The following PCDHA12 variants were observed in gnomAD, a reference collection of about 807,000 sequenced individuals.
The protein encoded by PCDHA12 is protocadherin alpha 12.
A neutral mutation model predicts 60.0 loss-of-function variants in PCDHA12; 44 were observed. The ratio of observed to expected loss-of-function variants is 0.73; its 90% CI spans 0.58 to 0.94. The LOEUF is 0.94. Ranked by LOEUF, PCDHA12 falls within the 40% of genes least tolerant of loss-of-function variation. PCDHA12 has a pLI of 0.00. For synonymous variants in PCDHA12, 569 were observed against 553.0 expected, an observed-to-expected ratio of 1.03 and a Z score of -0.40; for missense variants, 1,276 against 1,239.7, an observed-to-expected ratio of 1.03 and a Z score of -0.44.
At chr5:140,978,873 A>G in intron 1 of PCDHA12, 76 bp from the exon 2 acceptor site, 2 of 1,608,618 alleles carry the variant, frequency 1.2e-6, no homozygotes, top group Non-Finnish European at 1.7e-6. Flanking sequence ...TAAGGGAGTA[A>G]CTAATCAATT....
intron 1 of PCDHA12, among the ~76,000 whole-genome samples, chr5:140,958,001 T>C (rs1257234939): frequency 6.6e-6 from 1 of 152,144 alleles, no homozygotes; most frequent in Non-Finnish European, 1.5e-5. Flanking sequence ...ATTTTTTGTT[T>C]CAATTCTATC....
intron 1 of PCDHA12, among the ~76,000 whole-genome samples, chr5:140,917,059 G>A (rs1174473146): frequency 6.6e-6 from 1 of 152,044 alleles, no homozygotes; most frequent in Non-Finnish European, 1.5e-5. Context: ...TCCCTGCTAC[G>A]ACAGCACCGA....
At chr5:140,883,504 C>G in intron 1 of PCDHA12, 1 of 1,614,172 alleles carries the variant, frequency 6.2e-7, no homozygotes, top group East Asian at 2.2e-5. Context: ...TGGACAGCGC[C>G]CTGGACCGCG....
At chr5:140,946,720 A>C (rs1460843213) in intron 1 of PCDHA12, among the ~76,000 whole-genome samples, 4 of 150,970 alleles carry the variant, frequency 2.6e-5, no homozygotes, top group African/African-American at 9.8e-5. Flanking sequence ...ATGTTTAGTT[A>C]AATAAGCCAG....
At chr5:140,942,544 G>A (rs546340510) in intron 1 of PCDHA12, among the ~76,000 whole-genome samples, 105 of 152,118 alleles carry the variant, frequency 6.9e-4, no homozygotes, top group African/African-American at 2.5e-3. Flanking sequence ...TATGGTGGGG[G>A]GTAGGGGGTT....
intron 1 of PCDHA12, chr5:140,966,679 G>C (rs1554228549): frequency 8.3e-6 from 11 of 1,317,564 alleles, no homozygotes; most frequent in East Asian, 3.0e-5. Context: ...AGGGTGGCAC[G>C]AGCGGAGGCG....
intron 3 of PCDHA12, 24 bp from the exon 4 acceptor site, chr5:141,009,603 G>A (rs1554262223): frequency 1.2e-6 from 2 of 1,608,568 alleles, no homozygotes; most frequent in African/African-American, 2.7e-5. Context: ...CCCTGTTAAT[G>A]ATTTGTAATG....
Position 141,009,969 on chromosome 5 carries a change from GT to G in PCDHA12, c.*37del, listed in dbSNP as rs2098415622. On this transcript the variant is annotated 3_prime_UTR_variant, in exon 4 of 4. Coordinates refer to ENST00000398631, the MANE Select transcript of PCDHA12 (RefSeq NM_018903.4). ...CAAATGGAAACAAGCCACTTAGCCA[GT>G]TTTTGTAATAATGGCAAATCTCTCC... 6.3e-7 allele frequency: 1 copy of G among 1,586,478 alleles called. No homozygotes were observed. The highest frequency in any genetic ancestry group is 1.8e-5 in the Admixed American group (1 of 54,174).
intron 1 of PCDHA12, chr5:140,929,073 T>C (rs782591499): frequency 1.9e-6 from 3 of 1,614,200 alleles, no homozygotes; most frequent in Non-Finnish European, 2.5e-6. Flanking sequence ...ATCTGAGGTA[T>C]GGAAGTAAGA....
chr5:140,965,323 G>A (rs2095891055), intron 1 of PCDHA12, among the ~76,000 whole-genome samples: 1 of 152,176 alleles, frequency 6.6e-6, no homozygotes, highest in South Asian at 2.1e-4. Flanking sequence ...TTTTACTGAA[G>A]TGAATTTGTT....
Position 140,927,906 on chromosome 5 carries a change from C to T in PCDHA12, c.2367+50067C>T, listed in dbSNP as rs116016831. On this transcript the variant is annotated intron_variant, in intron 1 of 3. Coordinates refer to ENST00000398631, the MANE Select transcript of PCDHA12 (RefSeq NM_018903.4). ...TGACTGACGTGAACGATCATGCCCC[C>T]GAACTGGACTTCCTGACTCTTTCGA... is the stretch of plus-strand genomic sequence containing the variant. 5,195 of 1,614,178 alleles carry T rather than the reference C, an allele frequency of 3.2e-3. 26 individuals are homozygous for T. The highest frequency in any genetic ancestry group is 0.019 in the African/African-American group (1,450 of 75,038).
At chr5:141,002,474 C>T (rs141241701) in intron 3 of PCDHA12, among the ~76,000 whole-genome samples, 65 of 152,334 alleles carry the variant, frequency 4.3e-4, no homozygotes, top group African/African-American at 1.3e-3. Flanking sequence ...TTAGCATTTT[C>T]AAAGGATGAC....
At chr5:140,967,560 A>C (rs2096156699) in intron 1 of PCDHA12, 2 of 1,613,966 alleles carry the variant, frequency 1.2e-6, no homozygotes, top group Non-Finnish European at 1.7e-6. Context: ...TATCGCGTCC[A>C]GCTACGGGAG....
Position 140,877,198 on chromosome 5 carries a change from G to C in PCDHA12, c.1726G>C (p.Ala576Pro), listed in dbSNP as rs781787046. The C allele has an allele frequency of 1.6e-5, 26 of 1,613,712 alleles. No homozygotes were observed. Among genetic ancestry groups the C allele is most frequent in the Non-Finnish European group, 2.2e-5 (26 of 1,179,818 alleles). The change falls in exon 1 of 4, where the codon GCA becomes CCA. Residue 576 changes from alanine to proline, a missense_variant. By Grantham distance (27) the Ala-to-Pro change is conservative. Transcript: ENST00000398631. ...GACTCCGGCTGGCAGCGCAGGAGGC[G>C]CAGTTAGCGAGTTGGTACCGCGGTC... ...LATPAGSAGGAVSELVPRSVG... is the reference protein window; with the variant it reads ...LATPAGSAGGPVSELVPRSVG...
intron 1 of PCDHA12, chr5:140,929,554 C>A (rs899446101): frequency 6.1e-6 from 3 of 488,410 alleles, no homozygotes; most frequent in African/African-American, 4.0e-5. Flanking sequence ...AAAATTAAAA[C>A]CTATTTAAGA....
intron 1 of PCDHA12, among the ~76,000 whole-genome samples, chr5:140,971,561 A>G (rs367567903): frequency 1.3e-3 from 195 of 152,186 alleles, no homozygotes; most frequent in African/African-American, 4.3e-3. Context: ...TTAAATTCCC[A>G]TGTTGGGCTT....
intron 3 of PCDHA12, among the ~76,000 whole-genome samples, chr5:140,995,268 C>G (rs2097673323): frequency 6.6e-6 from 1 of 152,110 alleles, no homozygotes; most frequent in Non-Finnish European, 1.5e-5. Flanking sequence ...AATACAAGCC[C>G]TTTGATACCA....
At position 140,953,768 on chromosome 5, in the gene PCDHA12, A is replaced by G. The variant is rs146090592; in HGVS notation, c.2368-25181A>G. Among the ~76,000 whole-genome samples, 15 of 152,248 alleles carry G rather than the reference A, an allele frequency of 9.9e-5. No homozygotes were observed. In the East Asian group the frequency reaches 2.7e-3, roughly 27 times the overall value. The stretch of plus-strand genomic sequence containing the variant: ...TACATTTATCCAAGAATTAAATTTA[A>G]TATTTATTTATTTTTTTCTTCAACT... On this transcript the variant is annotated intron_variant, in intron 1 of 3. Coordinates refer to ENST00000398631, the MANE Select transcript of PCDHA12 (RefSeq NM_018903.4).
Position 140,978,933 on chromosome 5 carries a change from CTT to C in PCDHA12, c.2368-14_2368-13del, listed in dbSNP as rs1179085898. On this transcript the variant is annotated splice_polypyrimidine_tract_variant and intron_variant, in intron 1 of 3. Coordinates refer to ENST00000398631, the MANE Select transcript of PCDHA12 (RefSeq NM_018903.4). The stretch of plus-strand genomic sequence containing the variant: ...TCTTGTCATTTTAACAGAAAACTCT[CTT>C]TGTGATTTTGCAGCCACGACAGCCC... 1.2e-6 allele frequency: 2 copies of C among 1,613,976 alleles called. No individual in the cohort carries two copies. The highest frequency in any genetic ancestry group is 2.7e-5 in the African/African-American group (2 of 74,920).
Sources: allele counts gnomAD v4.1 joint callset (sites outside exome capture counted in the v4.1 genomes callset), GRCh38; gene constraint gnomAD v4.1.1; transcripts MANE v1.5; gene names NCBI Gene and HGNC (gene_info 2026-07-23, HGNC 2026-07-21).